The following COL15A1 variants were observed in gnomAD, a reference collection of about 807,000 sequenced individuals.
COL15A1 encodes the protein collagen alpha-1(XV) chain.
COL15A1 carries 111 observed loss-of-function variants against 165.9 expected under a neutral mutation model. That is an observed-to-expected ratio of 0.67 (90% confidence interval 0.57 to 0.78). COL15A1 has a LOEUF of 0.78. Ranked by LOEUF, COL15A1 falls within the 30% of genes least tolerant of loss-of-function variation. The pLI is 0.00. For synonymous variants in COL15A1, 659 were observed against 674.8 expected (o/e 0.98, Z 0.36); for missense variants, 1,745 against 1,789.7 (o/e 0.98, Z 0.45).
Position 99,049,674 on chromosome 9 carries a change from T to G in COL15A1, c.2794-16T>G. On this transcript the variant is annotated splice_polypyrimidine_tract_variant and intron_variant, in intron 28 of 41. Transcript: ENST00000375001. ...ACAACCTGAACTAATGGAATGGCCTTTTTTTCTTCCTTCAGGGCCCACCTG... is the reference window on the plus strand; with the variant it reads ...ACAACCTGAACTAATGGAATGGCCTGTTTTTCTTCCTTCAGGGCCCACCTG... 6.2e-7 allele frequency: 1 copy of G among 1,612,458 alleles called. No individual in the cohort carries two copies. Among genetic ancestry groups the G allele is most frequent in the Non-Finnish European group, 8.5e-7 (1 of 1,179,878 alleles).
At chr9:99,033,742 A>G (rs1839249578) in intron 16 of COL15A1, among the ~76,000 whole-genome samples, 1 of 152,182 alleles carries the variant, frequency 6.6e-6, no homozygotes, top group Non-Finnish European at 1.5e-5. Context: ...GATGGCTGGT[A>G]CATCAGCATC....
In COL15A1 at chr9:99,055,130, A is replaced by T. The variant is rs1432216007; in HGVS notation, c.3060A>T (p.Arg1020Ser). ...CTCCACTTGATCTAGCTTACCTGAG[A>T]CACTTTCTGAACAACTTGAAGGTGA... ...PGPPLDLAYL[R>S]HFLNNLKGEN... Residue 1020 changes from arginine (R) to serine (S), a missense_variant, in exon 33 of 42, where the codon AGA becomes AGT. Arg to Ser is a moderately radical substitution (Grantham distance 110, BLOSUM62 -1). Coordinates refer to ENST00000375001, the MANE Select transcript of COL15A1 (RefSeq NM_001855.5). 4 of 1,613,402 alleles carry T rather than the reference A, an allele frequency of 2.5e-6. No individual in the cohort carries two copies. Among genetic ancestry groups the T allele is most frequent in the Non-Finnish European group, 3.4e-6 (4 of 1,179,422 alleles).
intron 2 of COL15A1, among the ~76,000 whole-genome samples, chr9:98,983,633 C>T (rs1366378323): frequency 6.6e-6 from 1 of 152,224 alleles, no homozygotes; most frequent in Non-Finnish European, 1.5e-5. Flanking sequence ...GTCAGCCTCA[C>T]TTTCCTGGTC....
chr9:99,047,038 C>G (rs1325235314), intron 26 of COL15A1, among the ~76,000 whole-genome samples: 1 of 152,186 alleles, frequency 6.6e-6, no homozygotes, highest in Non-Finnish European at 1.5e-5. Context: ...CTGGGAGACA[C>G]AGCAGACCCA....
intron 2 of COL15A1, among the ~76,000 whole-genome samples, chr9:98,984,616 A>G (rs1238093981): frequency 1.3e-5 from 2 of 152,222 alleles, no homozygotes; most frequent in Non-Finnish European, 2.9e-5. Flanking sequence ...CCTGGTGCAG[A>G]CAGAGCTTAG....
chr9:99,055,199 T>A (rs769612603), intron 33 of COL15A1, 48 bp downstream of exon 33: 1 of 1,593,472 alleles, frequency 6.3e-7, no homozygotes, highest in African/African-American at 1.3e-5. Context: ...CAGGTTTTGG[T>A]TTATGTCAGA....
intron 2 of COL15A1, among the ~76,000 whole-genome samples, chr9:98,964,450 G>A (rs1337809309): frequency 6.6e-6 from 1 of 152,142 alleles, no homozygotes; most frequent in African/African-American, 2.4e-5. Flanking sequence ...AGCCAAATGG[G>A]GCTCCAGCAT....
At chr9:98,956,783 T>C (rs1240230061) in intron 2 of COL15A1, among the ~76,000 whole-genome samples, 1 of 152,254 alleles carries the variant, frequency 6.6e-6, no homozygotes, top group African/African-American at 2.4e-5. Flanking sequence ...CCTGGGAACT[T>C]GGCAGAAATG....
intron 30 of COL15A1, among the ~76,000 whole-genome samples, chr9:99,051,478 C>G (rs944718453): frequency 1.3e-5 from 2 of 152,188 alleles, no homozygotes; most frequent in African/African-American, 2.4e-5. Flanking sequence ...CTCTTACAGC[C>G]AGCATCTCAT....
At chr9:99,018,846 G>T (rs1838978728) in intron 11 of COL15A1, among the ~76,000 whole-genome samples, 1 of 152,198 alleles carries the variant, frequency 6.6e-6, no homozygotes, top group South Asian at 2.1e-4. Flanking sequence ...GTAAATGTTG[G>T]CAGCTGTTGC....
At chr9:98,999,077 T>G (rs1327397662) in intron 6 of COL15A1, among the ~76,000 whole-genome samples, 2 of 152,184 alleles carry the variant, frequency 1.3e-5, no homozygotes, top group Admixed American at 6.5e-5. Context: ...ACGAGAGTGC[T>G]CGACCCGTGC....
At chr9:98,998,120 A>G (rs1347424054) in intron 6 of COL15A1, among the ~76,000 whole-genome samples, 1 of 152,246 alleles carries the variant, frequency 6.6e-6, no homozygotes, top group African/African-American at 2.4e-5. Flanking sequence ...ATTTACATAT[A>G]GCTATGTAGA....
rs1435953030 is a variant in COL15A1 at position 98,986,105 on chromosome 9, G to A, written c.641G>A (p.Arg214Lys). ...MGNAGATGLERFTGSLQQLTV... is the reference protein window; with the variant it reads ...MGNAGATGLEKFTGSLQQLTV... Reference sequence around the variant, plus strand: ...AATGCAGGAGCTACAGGGCTCGAGAGATTCACTGTGAGTTAAAGTCCCACT... The same window carrying A: ...AATGCAGGAGCTACAGGGCTCGAGAAATTCACTGTGAGTTAAAGTCCCACT... Residue 214 changes from arginine (R) to lysine (K), a missense_variant, in exon 3 of 42, where the codon AGA (arginine) becomes AAA (lysine). By Grantham distance (26) the Arg-to-Lys change is conservative. Coordinates refer to ENST00000375001, the MANE Select transcript of COL15A1 (RefSeq NM_001855.5). 6.2e-7 allele frequency: 1 copy of A among 1,611,544 alleles called. No homozygotes were observed. The highest frequency in any genetic ancestry group is 1.7e-5 in the Admixed American group (1 of 59,976).
chr9:99,021,396 G>C (rs1839025192), intron 12 of COL15A1, among the ~76,000 whole-genome samples: 1 of 152,126 alleles, frequency 6.6e-6, no homozygotes, highest in South Asian at 2.1e-4. Flanking sequence ...CACAGATTTG[G>C]GGACTTTACT....
intron 2 of COL15A1, among the ~76,000 whole-genome samples, chr9:98,954,160 C>T (rs1233295708): frequency 6.6e-6 from 1 of 152,144 alleles, no homozygotes; most frequent in African/African-American, 2.4e-5. Context: ...ATGTCCATTT[C>T]CACCAGGAGA....
intron 15 of COL15A1, among the ~76,000 whole-genome samples, chr9:99,025,615 G>T (rs564388585): frequency 2.6e-5 from 4 of 152,206 alleles, no homozygotes; most frequent in Non-Finnish European, 4.4e-5. Flanking sequence ...GGCCATCAGG[G>T]CTGGGCCTGG....
At chr9:99,020,081 TA>T (rs2119002919) in intron 11 of COL15A1, among the ~76,000 whole-genome samples, 1 of 152,316 alleles carries the variant, frequency 6.6e-6, no homozygotes, top group East Asian at 1.9e-4. Flanking sequence ...GTAATATATT[TA>T]AAAATCTGTG....
At chr9:98,978,573 A>T (rs1470479584) in intron 2 of COL15A1, among the ~76,000 whole-genome samples, 1 of 152,132 alleles carries the variant, frequency 6.6e-6, no homozygotes, top group Non-Finnish European at 1.5e-5. Context: ...TTTGTCTTTA[A>T]ACCGTGGAGG....
intron 16 of COL15A1, among the ~76,000 whole-genome samples, chr9:99,033,526 G>T (rs931460717): frequency 9.9e-5 from 15 of 152,166 alleles, no homozygotes; most frequent in African/African-American, 3.6e-4. Context: ...TTTTCTCCCT[G>T]TGGTTTCTCT....
Sources: gnomAD v4.1 joint callset for allele counts (sites outside exome capture counted in the v4.1 genomes callset) on GRCh38, gnomAD v4.1.1 for gene constraint, MANE v1.5 for transcripts, NCBI Gene and HGNC (gene_info 2026-07-23, HGNC 2026-07-21) for gene names.